SLC1A4: variants seen among roughly 807,000 people sequenced by gnomAD.
SLC1A4 encodes solute carrier family 1 member 4.
Under a neutral mutation model 37.7 loss-of-function variants are expected in SLC1A4, and 19 were observed. That is an observed-to-expected ratio of 0.50 (90% CI 0.35 to 0.74). The LOEUF (loss-of-function observed/expected upper bound fraction) is 0.74. Ranked by LOEUF, SLC1A4 falls within the 30% of genes least tolerant of loss-of-function variation. The pLI is 0.01. For synonymous variants in SLC1A4, 299 were observed against 309.8 expected (o/e 0.97, Z 0.37); for missense variants, 570 against 712.9 (o/e 0.80, Z 2.28).
In SLC1A4 at chr2:65,018,507, T is replaced by A; in HGVS notation, c.1230-38T>A. The A allele has an allele frequency of 6.2e-7, 1 of 1,611,046 alleles. No homozygotes were observed. Among genetic ancestry groups the A allele is most frequent in the South Asian group, 1.1e-5 (1 of 90,826 alleles). ...GCATTTCTCTGTGTCCACTCCACGC[T>A]CTATGTTAATGGCTGGCCCTGCTCT... On this transcript the variant is annotated intron_variant, in intron 6 of 7. Coordinates refer to ENST00000234256, the MANE Select transcript of SLC1A4 (RefSeq NM_003038.5). The surrounding 1 kb of genome is among the most constrained non-coding windows in gnomAD (Gnocchi z 4.3).
At chr2:64,991,421 C>CTTTTTTT (rs3050297) in intron 1 of SLC1A4, among the ~76,000 whole-genome samples, 2 of 117,672 alleles carry the variant, frequency 1.7e-5, no homozygotes, top group East Asian at 2.6e-4. Flanking sequence ...GGGATCACAG[C>CTTTTTTT]TTTTTTTTTT....
At chr2:65,002,777 C>T (rs527484962) in intron 2 of SLC1A4, among the ~76,000 whole-genome samples, 24 of 151,886 alleles carry the variant, frequency 1.6e-4, no homozygotes, top group Non-Finnish European at 2.6e-4. Context: ...GGGGTTTCAC[C>T]GTGTTAGCCA....
intron 2 of SLC1A4, among the ~76,000 whole-genome samples, chr2:65,002,005 C>T (rs1031181232): frequency 3.3e-5 from 5 of 152,148 alleles, no homozygotes; most frequent in South Asian, 2.1e-4. Context: ...ACAGGCTGGG[C>T]GCAGTGGCTC....
At chr2:65,002,068 T>G (rs1558517813) in intron 2 of SLC1A4, among the ~76,000 whole-genome samples, 1 of 152,038 alleles carries the variant, frequency 6.6e-6, no homozygotes, top group Non-Finnish European at 1.5e-5. Flanking sequence ...TCACTTGAGG[T>G]CAGGAGTTCA....
At chr2:65,020,135 A>G (rs556870436) in intron 7 of SLC1A4, among the ~76,000 whole-genome samples, 3 of 152,380 alleles carry the variant, frequency 2.0e-5, no homozygotes, top group East Asian at 1.9e-4. Context: ...AATGGAACAC[A>G]TATGAAGATT....
intron 1 of SLC1A4, among the ~76,000 whole-genome samples, chr2:64,997,641 A>G (rs1054189559): frequency 6.6e-6 from 1 of 152,188 alleles, no homozygotes; most frequent in African/African-American, 2.4e-5. Context: ...TGCGTATATC[A>G]CTTGGCTCCT....
At position 65,021,460 on chromosome 2, in the gene SLC1A4, G is replaced by A; in HGVS notation, c.*314G>A. On this transcript the variant is annotated 3_prime_UTR_variant, in exon 8 of 8. Coordinates refer to ENST00000234256, the MANE Select transcript of SLC1A4 (RefSeq NM_003038.5). ...AGAAATCATGGACTCACAGGGTCCT[G>A]TGTGGTTACATCTTGGAAAAAATGC... 1 of 361,034 alleles carries A rather than the reference G, an allele frequency of 2.8e-6. No homozygotes were observed. The highest frequency in any genetic ancestry group is 5.1e-6 in the Non-Finnish European group (1 of 197,128). 22.4% of individuals were successfully genotyped at this position (361,034 alleles called of 1,614,324 possible).
chr2:64,988,941 C>T (rs1196511244), upstream of SLC1A4, among the ~76,000 whole-genome samples: 2 of 152,018 alleles, frequency 1.3e-5, no homozygotes, highest in Non-Finnish European at 2.9e-5. Context: ...TCTCCCCTCC[C>T]CTCCCTCCCC....
chr2:65,011,407 C>T (rs1436539092), intron 4 of SLC1A4: 1 of 151,966 alleles, frequency 6.6e-6, no homozygotes. Flanking sequence ...GCTGGGATTA[C>T]AGGCGTCCGC....
intron 1 of SLC1A4, among the ~76,000 whole-genome samples, chr2:64,997,358 C>A (rs567025535): frequency 6.6e-6 from 1 of 152,226 alleles, no homozygotes; most frequent in African/African-American, 2.4e-5. Flanking sequence ...AATAAATGCA[C>A]CCACTTTAAA....
chr2:64,989,493 A>T lies in SLC1A4; in HGVS notation c.-151A>T, dbSNP rs565979900. On this transcript the variant is annotated 5_prime_UTR_variant, in exon 1 of 8. Coordinates refer to ENST00000234256, the MANE Select transcript of SLC1A4 (RefSeq NM_003038.5). ...CTGCGCCTCTCCTCGCCTTTCTCGC[A>T]CCTGCTCCTGCGCCAGGCCCGGAGA... 6.6e-6 allele frequency: 4 copies of T among 609,914 alleles called. No homozygotes were observed. The East Asian group carries it at 1.4e-4, about 22-fold the overall frequency. 37.8% of individuals were successfully genotyped at this position (609,914 alleles called of 1,614,324 possible).
In SLC1A4 at chr2:65,001,499, T is replaced by G; in HGVS notation, c.570+9T>G. 2 of 1,611,970 alleles carry G rather than the reference T, an allele frequency of 1.2e-6. No individual in the cohort carries two copies. Among genetic ancestry groups the G allele is most frequent in the South Asian group, 1.1e-5 (1 of 91,008 alleles). On this transcript the variant is annotated intron_variant, in intron 2 of 7. Coordinates refer to ENST00000234256, the MANE Select transcript of SLC1A4 (RefSeq NM_003038.5). ...TTGCAGCTTTCCGTACGGTAAGGCTTGATACTTTGCTAAAAATATGAAACT... is the reference window on the plus strand; with the variant it reads ...TTGCAGCTTTCCGTACGGTAAGGCTGGATACTTTGCTAAAAATATGAAACT...
In SLC1A4 at chr2:65,018,490, C is replaced by G. The variant is rs549822557; in HGVS notation, c.1230-55C>G. The G allele has an allele frequency of 7.5e-6, 12 of 1,600,238 alleles. No homozygotes were observed. The highest frequency in any genetic ancestry group is 1.3e-5 in the African/African-American group (1 of 74,722). On this transcript the variant is annotated intron_variant, in intron 6 of 7. Coordinates refer to ENST00000234256, the MANE Select transcript of SLC1A4 (RefSeq NM_003038.5). The surrounding 1 kb of genome is among the most constrained non-coding windows in gnomAD (Gnocchi z 4.3). Reference sequence around the variant, plus strand: ...TTGCAGCTGCATGGTCTGCATTTCTCTGTGTCCACTCCACGCTCTATGTTA... The same window carrying G: ...TTGCAGCTGCATGGTCTGCATTTCTGTGTGTCCACTCCACGCTCTATGTTA...
At chr2:64,989,220 C>G (rs1443878349), upstream of SLC1A4, among the ~76,000 whole-genome samples, 1 of 151,796 alleles carries the variant, frequency 6.6e-6, no homozygotes, top group African/African-American at 2.4e-5. Context: ...CCCTGCGGCA[C>G]CCGCGACACG....
intron 3 of SLC1A4, among the ~76,000 whole-genome samples, chr2:65,007,028 C>CA (rs1236500544): frequency 1.3e-5 from 2 of 152,194 alleles, no homozygotes; most frequent in Non-Finnish European, 2.9e-5. Flanking sequence ...AATAACTTGC[C>CA]ACAGACACAC....
chr2:65,013,831 C>G (rs1558525730), intron 4 of SLC1A4, among the ~76,000 whole-genome samples: 1 of 152,166 alleles, frequency 6.6e-6, no homozygotes, highest in African/African-American at 2.4e-5. Context: ...AAATAACTTT[C>G]AGATGTATTA....
intron 3 of SLC1A4, among the ~76,000 whole-genome samples, chr2:65,005,107 T>C (rs1488594522): frequency 6.6e-6 from 1 of 152,230 alleles, no homozygotes; most frequent in Non-Finnish European, 1.5e-5. Flanking sequence ...GCAGAAAAAA[T>C]ATTTATGGGT....
intron 3 of SLC1A4, among the ~76,000 whole-genome samples, chr2:65,005,582 G>A (rs974296271): frequency 1.3e-5 from 2 of 152,094 alleles, no homozygotes; most frequent in African/African-American, 2.4e-5. Flanking sequence ...ACTTTCCGAC[G>A]TTATTTCATT....
At chr2:65,019,837 A>T (rs1016814115) in intron 7 of SLC1A4, among the ~76,000 whole-genome samples, 1 of 152,194 alleles carries the variant, frequency 6.6e-6, no homozygotes, top group East Asian at 1.9e-4. Flanking sequence ...AGGAACAGGG[A>T]AACAGGGCAC....
Sources: gnomAD v4.1 joint callset for allele counts (sites outside exome capture counted in the v4.1 genomes callset) on GRCh38, gnomAD v4.1.1 for gene constraint, Gnocchi (gnomAD v3.1) non-coding constraint, MANE v1.5 for transcripts, NCBI Gene and HGNC (gene_info 2026-07-23, HGNC 2026-07-21) for gene names.